Variants in PRKCH observed in about 807,000 individuals in gnomAD.
The protein encoded by PRKCH is protein kinase C eta, also known as protein kinase C eta type.
A neutral mutation model predicts 82.5 loss-of-function variants in PRKCH; 28 were observed. The observed-to-expected ratio is 0.34, with a 90% CI of 0.25 to 0.47. The LOEUF is 0.47. PRKCH is among the 20% of genes least tolerant of loss of function. The probability of loss-of-function intolerance (pLI) is 1.00; values close to 1 mark genes in which losing one functional copy is unlikely to be tolerated. For missense variants in PRKCH, 705 were observed against 881.8 expected (o/e 0.80, Z 2.54); for synonymous variants, 322 against 327.4 (o/e 0.98, Z 0.18).
At chr14:61,333,029 G>A (rs907424744) in intron 1 of PRKCH, among the ~76,000 whole-genome samples, 1 of 152,140 alleles carries the variant, frequency 6.6e-6, no homozygotes, top group Non-Finnish European at 1.5e-5. Flanking sequence ...GATTTGTTCT[G>A]GGCTCTGAAA....
intron 2 of PRKCH, among the ~76,000 whole-genome samples, chr14:61,428,352 T>C (rs1030515119): frequency 2.6e-5 from 4 of 152,138 alleles, no homozygotes; most frequent in African/African-American, 9.7e-5. Flanking sequence ...GTGTTAATGC[T>C]GGTCAGTTGA....
At chr14:61,416,549 A>G (rs932007588) in intron 2 of PRKCH, among the ~76,000 whole-genome samples, 2 of 152,096 alleles carry the variant, frequency 1.3e-5, no homozygotes, top group Non-Finnish European at 2.9e-5. Context: ...TCCTTGGCAT[A>G]TATCTCCCAG....
intron 1 of PRKCH, among the ~76,000 whole-genome samples, chr14:61,359,849 G>A (rs2046199901): frequency 1.3e-5 from 2 of 152,196 alleles, no homozygotes; most frequent in African/African-American, 4.8e-5. Context: ...CTGATGACTA[G>A]TGGCTACCTA....
chr14:61,330,332 T>G (rs775773716), intron 1 of PRKCH, among the ~76,000 whole-genome samples: 8 of 152,202 alleles, frequency 5.3e-5, no homozygotes, highest in Non-Finnish European at 1.2e-4. Flanking sequence ...CTGATAATGT[T>G]TCCCAGAGGG....
chr14:61,543,162 C>A (rs1474732731), intron 12 of PRKCH, among the ~76,000 whole-genome samples: 2 of 152,194 alleles, frequency 1.3e-5, no homozygotes, highest in Non-Finnish European at 2.9e-5. Context: ...TTGCAGGAGG[C>A]CTCCCAGGAC....
At chr14:61,231,143 A>G (rs1256857786) in intron 1 of PRKCH, among the ~76,000 whole-genome samples, 1 of 152,232 alleles carries the variant, frequency 6.6e-6, no homozygotes, top group Non-Finnish European at 1.5e-5. Context: ...AACACTGAAC[A>G]GCTAGCTGTG....
rs1187612345 is a variant in PRKCH, at chr14:61,458,917, A to G, written c.1278+1238A>G. 3.3e-5 allele frequency among the ~76,000 whole-genome samples: 5 copies of G among 152,172 alleles called. No homozygotes were observed. The East Asian group carries it at 9.6e-4, about 29-fold the overall frequency. On this transcript the variant is annotated intron_variant, in intron 9 of 13. Coordinates refer to ENST00000332981, the MANE Select transcript of PRKCH (RefSeq NM_006255.5). ...ACATTAGAGATTCCAATTCAACATG[A>G]GATCTGGGTGGGGACACACAGCCAA...
chr14:61,320,487 T>C (rs2045601310), upstream of PRKCH, among the ~76,000 whole-genome samples: 2 of 152,116 alleles, frequency 1.3e-5, no homozygotes, highest in Admixed American at 1.3e-4. Context: ...TAATTCCAGC[T>C]ACTCGGGAGG....
At chr14:61,315,060 ATATTAC>A (rs1448709749) in intron 1 of PRKCH, among the ~76,000 whole-genome samples, 1 of 152,202 alleles carries the variant, frequency 6.6e-6, no homozygotes, top group Non-Finnish European at 1.5e-5. Flanking sequence ...ATTCTGAGAA[ATATTAC>A]TATATCTTTG....
intron 10 of PRKCH, 90 bp downstream of exon 10, chr14:61,485,746 T>C: frequency 6.9e-7 from 1 of 1,444,652 alleles, no homozygotes; most frequent in Non-Finnish European, 9.3e-7. Context: ...GATAATCAGT[T>C]GAAACCTTTT....
chr14:61,276,735 C>A (rs2045206096), intron 1 of PRKCH, among the ~76,000 whole-genome samples: 1 of 151,856 alleles, frequency 6.6e-6, no homozygotes, highest in South Asian at 2.1e-4. Flanking sequence ...GCAGCTCTAC[C>A]AGCAACTTAG....
chr14:61,212,892 C>T (rs2044592770), intron 1 of PRKCH, among the ~76,000 whole-genome samples: 1 of 152,194 alleles, frequency 6.6e-6, no homozygotes, highest in South Asian at 2.1e-4. Context: ...TAACATTTTC[C>T]AGTTGTCTCA....
intron 1 of PRKCH, among the ~76,000 whole-genome samples, chr14:61,370,475 G>C (rs1331270547): frequency 6.6e-6 from 1 of 151,992 alleles, no homozygotes; most frequent in Non-Finnish European, 1.5e-5. Context: ...TGACCCACGA[G>C]AGGTGGGAGA....
At position 61,387,379 on chromosome 14, in the gene PRKCH, G is replaced by A. The variant is rs544246956; in HGVS notation, c.364-3846G>A. On this transcript the variant is annotated intron_variant, in intron 1 of 13. Transcript: ENST00000332981. ...GATGAGCCATTTGGACTACATGTGA[G>A]GGAGGAGTAGTTCTCAAATAAAGCT... 9.2e-5 allele frequency among the ~76,000 whole-genome samples: 14 copies of A among 152,352 alleles called. No homozygotes were observed. In the East Asian group the frequency reaches 1.5e-3, roughly 17 times the overall value.
chr14:61,336,929 C>T (rs1274194819), intron 1 of PRKCH, among the ~76,000 whole-genome samples: 1 of 151,714 alleles, frequency 6.6e-6, no homozygotes, highest in Non-Finnish European at 1.5e-5. Context: ...ATTAGCTGGG[C>T]TTGGTGGTAC....
intron 1 of PRKCH, among the ~76,000 whole-genome samples, chr14:61,357,984 C>T (rs1268716627): frequency 6.6e-6 from 1 of 152,112 alleles, no homozygotes; most frequent in Non-Finnish European, 1.5e-5. Flanking sequence ...TATCTGAAAG[C>T]CTCCTTAAAT....
chr14:61,324,953 A>C (rs2045675000), intron 1 of PRKCH, among the ~76,000 whole-genome samples: 1 of 152,212 alleles, frequency 6.6e-6, no homozygotes, highest in Non-Finnish European at 1.5e-5. Context: ...AAAAACCCCC[A>C]AAACCTAGTG....
chr14:61,444,695 C>T lies in PRKCH; in HGVS notation c.579-997C>T, dbSNP rs190926257. ...TGGCTAAGAGTATGGACTCTGACAT[C>T]CAGTCTCATCACCAACTGGGTGTGT... On this transcript the variant is annotated intron_variant, in intron 3 of 13. Coordinates refer to ENST00000332981, the MANE Select transcript of PRKCH (RefSeq NM_006255.5). 3.3e-5 allele frequency among the ~76,000 whole-genome samples: 5 copies of T among 152,306 alleles called. No homozygotes were observed. In the East Asian group the frequency reaches 9.6e-4, roughly 29 times the overall value.
At chr14:61,463,865 C>T (rs1485262080) in intron 9 of PRKCH, among the ~76,000 whole-genome samples, 1 of 152,156 alleles carries the variant, frequency 6.6e-6, no homozygotes, top group Admixed American at 6.5e-5. Flanking sequence ...ATACAATGTC[C>T]TCCAGGTTGA....
Sources: gnomAD v4.1 joint callset for allele counts (sites outside exome capture counted in the v4.1 genomes callset) on GRCh38, gnomAD v4.1.1 for gene constraint, MANE v1.5 for transcripts, NCBI Gene and HGNC (gene_info 2026-07-23, HGNC 2026-07-21) for gene names.